Variants in JAK2 observed in about 807,000 individuals in gnomAD.
JAK2 encodes tyrosine-protein kinase JAK2.
In JAK2, 86 loss-of-function variants were observed where a neutral mutation model predicts 139.3. The observed-to-expected ratio is 0.62, with a 90% CI of 0.52 to 0.74. JAK2 has a LOEUF of 0.74. JAK2 is among the 30% of genes least tolerant of loss of function. The probability of loss-of-function intolerance (pLI) is 0.00; values close to 1 mark genes in which losing one functional copy is unlikely to be tolerated. For synonymous variants in JAK2, 490 were observed against 437.7 expected (o/e 1.12, Z -1.49); for missense variants, 1,421 against 1,360.3 (o/e 1.04, Z -0.70).
At chr9:5,011,150 T>G (rs1207927096) in intron 2 of JAK2, among the ~76,000 whole-genome samples, 1 of 152,218 alleles carries the variant, frequency 6.6e-6, no homozygotes, top group African/African-American at 2.4e-5. Context: ...TTGATTTTTT[T>G]AAACAAACTT....
At position 5,066,668 on chromosome 9, in the gene JAK2, T is replaced by C. The variant is rs369489854; in HGVS notation, c.1215-10T>C. ...ATATATTATTCAAATTGCTTCTTCT[T>C]TACCTTTAGGATGGATTTTGCCATT... On this transcript the variant is annotated splice_polypyrimidine_tract_variant and intron_variant, in intron 9 of 24. Coordinates refer to ENST00000381652, the MANE Select transcript of JAK2 (RefSeq NM_004972.4). The C allele has an allele frequency of 4.0e-6, 6 of 1,485,082 alleles. No individual in the cohort carries two copies. The highest frequency in any genetic ancestry group is 1.4e-5 in the African/African-American group (1 of 72,306). The allele number at this position is 1,485,082 out of a possible 1,614,324, so 92.0% of individuals were successfully genotyped here.
chr9:5,044,379 C>A, intron 4 of JAK2, 24 bp from the exon 5 acceptor site: 1 of 1,460,214 alleles, frequency 6.8e-7, no homozygotes, highest in Non-Finnish European at 9.6e-7. Context: ...TGGAAGCTGA[C>A]CAAATGTTTT....
chr9:5,031,271 A>G (rs1188690692), intron 4 of JAK2, among the ~76,000 whole-genome samples: 1 of 152,218 alleles, frequency 6.6e-6, no homozygotes, highest in East Asian at 1.9e-4. Context: ...TTACCTGGCA[A>G]TTGTAAAATA....
chr9:5,114,014 C>G (rs1822902616), intron 22 of JAK2: 2 of 303,102 alleles, frequency 6.6e-6, no homozygotes, highest in Non-Finnish European at 1.3e-5. Context: ...TGGATGTGAA[C>G]TGGTCCATCG....
intron 2 of JAK2, among the ~76,000 whole-genome samples, chr9:5,018,468 C>T (rs1822210458): frequency 6.6e-6 from 1 of 152,118 alleles, no homozygotes; most frequent in Non-Finnish European, 1.5e-5. Context: ...TCTCAGGTAG[C>T]TGGGACTACA....
intron 14 of JAK2, among the ~76,000 whole-genome samples, chr9:5,075,571 GT>G (rs1157317268): frequency 6.6e-6 from 1 of 152,168 alleles, no homozygotes; most frequent in Admixed American, 6.5e-5. Flanking sequence ...TTATAGCATG[GT>G]TTATTGACTA....
intron 19 of JAK2, among the ~76,000 whole-genome samples, chr9:5,086,562 C>G (rs950935871): frequency 6.6e-6 from 1 of 152,090 alleles, no homozygotes; most frequent in East Asian, 1.9e-4. Flanking sequence ...ACCTTACCTC[C>G]TGCCATTATT....
chr9:5,013,619 T>G (rs1473058828), intron 2 of JAK2, among the ~76,000 whole-genome samples: 3 of 152,158 alleles, frequency 2.0e-5, no homozygotes, highest in Non-Finnish European at 4.4e-5. Context: ...CATGCTTTTC[T>G]CCCTGCCAAT....
chr9:5,000,636 AT>A (rs1174201960), intron 2 of JAK2, among the ~76,000 whole-genome samples: 15 of 152,124 alleles, frequency 9.9e-5, no homozygotes, highest in African/African-American at 3.6e-4. Context: ...ATCATGGCCA[AT>A]TTTTATAAAT....
At chr9:5,074,284 A>G (rs1321221356) in intron 14 of JAK2, among the ~76,000 whole-genome samples, 1 of 152,114 alleles carries the variant, frequency 6.6e-6, no homozygotes, top group East Asian at 1.9e-4. Context: ...AATACTATAC[A>G]GGCATGCCTC....
At chr9:5,013,440 A>G (rs1159031609) in intron 2 of JAK2, among the ~76,000 whole-genome samples, 3 of 152,244 alleles carry the variant, frequency 2.0e-5, no homozygotes, top group Non-Finnish European at 4.4e-5. Context: ...GTAAACATTT[A>G]AATGTATTTT....
intron 2 of JAK2, among the ~76,000 whole-genome samples, chr9:4,990,994 AC>A (rs1285458955): frequency 6.6e-6 from 1 of 152,208 alleles, no homozygotes; most frequent in African/African-American, 2.4e-5. Flanking sequence ...CTGTCCAGGT[AC>A]TATTCTTCCT....
intron 22 of JAK2, among the ~76,000 whole-genome samples, chr9:5,122,482 A>C (rs1304512091): frequency 6.6e-6 from 1 of 151,934 alleles, no homozygotes; most frequent in African/African-American, 2.4e-5. Context: ...GCTTATTTTC[A>C]CTTCTTAGAA....
At chr9:5,007,539 A>T (rs145540795) in intron 2 of JAK2, among the ~76,000 whole-genome samples, 56 of 152,166 alleles carry the variant, frequency 3.7e-4, no homozygotes, top group African/African-American at 1.3e-3. Context: ...AGGTATTAAG[A>T]ATAGCATAAA....
intron 22 of JAK2, among the ~76,000 whole-genome samples, chr9:5,120,468 A>G (rs1401688879): frequency 6.6e-6 from 1 of 152,194 alleles, no homozygotes; most frequent in East Asian, 1.9e-4. Flanking sequence ...TTTGTTATCT[A>G]TATTGTTTTT....
intron 22 of JAK2, among the ~76,000 whole-genome samples, chr9:5,119,050 CATT>C (rs1012203836): frequency 2.0e-4 from 31 of 152,198 alleles, no homozygotes; most frequent in African/African-American, 5.1e-4. Context: ...ATTATTAATA[CATT>C]ATTATTAACA....
At chr9:4,992,024 C>G (rs759174444) in intron 2 of JAK2, among the ~76,000 whole-genome samples, 1 of 152,162 alleles carries the variant, frequency 6.6e-6, no homozygotes, top group African/African-American at 2.4e-5. Flanking sequence ...TACCATGGGT[C>G]AGTAATTGAG....
Position 5,129,355 on chromosome 9 carries a change from T to C in JAK2, c.*2564T>C, listed in dbSNP as rs1468836255. On this transcript the variant is annotated 3_prime_UTR_variant, in exon 25 of 25. Transcript: ENST00000381652. The stretch of plus-strand genomic sequence containing the variant: ...GGCCACACACCTTGGTTTAGGGATG[T>C]TGTGATAGCTTACCTTCCAGTTTTT... Among the ~76,000 whole-genome samples, 1 of 152,138 alleles carries C rather than the reference T, an allele frequency of 6.6e-6. No homozygotes were observed. Among genetic ancestry groups the C allele is most frequent in the Non-Finnish European group, 1.5e-5 (1 of 67,958 alleles).
intron 4 of JAK2, among the ~76,000 whole-genome samples, chr9:5,030,439 G>T (rs186623631): frequency 1.4e-3 from 212 of 152,070 alleles, no homozygotes; most frequent in African/African-American, 5.1e-3. Context: ...AGATACGTTT[G>T]ATTTGTGTCT....
Sources: gnomAD v4.1 joint callset for allele counts (sites outside exome capture counted in the v4.1 genomes callset) on GRCh38, gnomAD v4.1.1 for gene constraint, MANE v1.5 for transcripts, NCBI Gene and HGNC (gene_info 2026-07-23, HGNC 2026-07-21) for gene names.